Variants in TRHDE observed in about 807,000 individuals in gnomAD.
TRHDE encodes thyrotropin-releasing hormone-degrading ectoenzyme.
TRHDE carries 72 observed loss-of-function variants against 125.7 expected under a neutral mutation model. The ratio of observed to expected loss-of-function variants is 0.57; its 90% CI spans 0.47 to 0.70. The LOEUF (loss-of-function observed/expected upper bound fraction) is 0.70, where lower values mean the gene tolerates loss of function less well. Ranked by LOEUF, TRHDE falls within the 30% of genes least tolerant of loss-of-function variation. The probability of loss-of-function intolerance (pLI) is 0.00; values close to 1 mark genes in which losing one functional copy is unlikely to be tolerated. For synonymous variants in TRHDE, 509 were observed against 509.1 expected (o/e 1.00, Z 0.00); for missense variants, 1,110 against 1,327.1 (o/e 0.84, Z 2.54).
rs73342662 is a variant in TRHDE, at chr12:72,357,976, T to C, written c.1189-20019T>C. Among the ~76,000 whole-genome samples the C allele has an allele frequency of 2.7e-3, 412 of 151,664 alleles. 2 individuals are homozygous for C. The highest frequency in any genetic ancestry group is 9.6e-3 in the African/African-American group (399 of 41,478). On this transcript the variant is annotated intron_variant, in intron 2 of 18. Coordinates refer to ENST00000261180, the MANE Select transcript of TRHDE (RefSeq NM_013381.3). ...GGCATTAGAAAGTTAAAAAAAATTCTAAATAATTTATGAATCAAATGGAAA... is the reference window on the plus strand; with the variant it reads ...GGCATTAGAAAGTTAAAAAAAATTCCAAATAATTTATGAATCAAATGGAAA...
chr12:72,185,669 G>A (rs550593675), intron 2 of TRHDE, among the ~76,000 whole-genome samples: 1 of 150,680 alleles, frequency 6.6e-6, no homozygotes, highest in Non-Finnish European at 1.5e-5. Context: ...CTAGCTCAGG[G>A]ATTGTAAATA....
rs901931699 is a variant in TRHDE, at chr12:72,668,195, A to G, written c.*5000A>G. The G allele has an allele frequency of 2.0e-4, 30 of 151,736 alleles. No individual in the cohort carries two copies. Among genetic ancestry groups the G allele is most frequent in the African/African-American group, 7.2e-4 (30 of 41,416 alleles). The allele number at this position is 151,736 out of a possible 1,614,324, so 9.4% of individuals were successfully genotyped here. On this transcript the variant is annotated 3_prime_UTR_variant, in exon 19 of 19. Transcript: ENST00000261180. ...ATTTAATGTGATATAGATTCAGGAA[A>G]AGTCTAACAAAAATGTACTTCAGTA... is the stretch of plus-strand genomic sequence containing the variant.
intron 8 of TRHDE, among the ~76,000 whole-genome samples, chr12:72,562,488 T>TAAGA (rs1870225598): frequency 6.6e-6 from 1 of 150,810 alleles, no homozygotes; most frequent in African/African-American, 2.5e-5. Flanking sequence ...TAACATGGTG[T>TAAGA]AAGATATTCA....
At chr12:72,513,356 C>T (rs1340575911) in intron 6 of TRHDE, among the ~76,000 whole-genome samples, 1 of 152,094 alleles carries the variant, frequency 6.6e-6, no homozygotes, top group African/African-American at 2.4e-5. Context: ...CACCCTTTCT[C>T]TTTGGCCCAA....
chr12:72,633,952 A>G lies in TRHDE; in HGVS notation c.2675+12201A>G, dbSNP rs1020523458. Reference sequence around the variant, plus strand: ...AAGATGGTTGTTATTCCATTTCAATAATAATAAAAATAATGAGGAGGAGGA... The same window carrying G: ...AAGATGGTTGTTATTCCATTTCAATGATAATAAAAATAATGAGGAGGAGGA... On this transcript the variant is annotated intron_variant, in intron 15 of 18. Coordinates refer to ENST00000261180, the MANE Select transcript of TRHDE (RefSeq NM_013381.3). Among the ~76,000 whole-genome samples, 4 of 152,148 alleles carry G rather than the reference A, an allele frequency of 2.6e-5. No individual in the cohort carries two copies. In the East Asian group the frequency reaches 5.8e-4, roughly 22 times the overall value.
intron 6 of TRHDE, among the ~76,000 whole-genome samples, chr12:72,541,264 C>T (rs1869134546): frequency 1.3e-5 from 2 of 151,574 alleles, no homozygotes; most frequent in African/African-American, 4.8e-5. Flanking sequence ...TTACAATCCA[C>T]TGCTCCATAC....
intron 2 of TRHDE, chr12:72,147,866 T>G (rs1374310933): frequency 5.3e-5 from 8 of 152,268 alleles, no homozygotes; most frequent in Non-Finnish European, 1.0e-4. Context: ...TCTGAACACC[T>G]GAAGTGCTTT....
chr12:72,619,050 T>A lies in TRHDE; in HGVS notation c.2469+12T>A. On this transcript the variant is annotated intron_variant, in intron 13 of 18. Coordinates refer to ENST00000261180, the MANE Select transcript of TRHDE (RefSeq NM_013381.3). Reference sequence around the variant, plus strand: ...ACAACATTTTCAATGTAAAAAGATATAATTTTTCTTTCTAATTTTTAGAAG... The same window carrying A: ...ACAACATTTTCAATGTAAAAAGATAAAATTTTTCTTTCTAATTTTTAGAAG... The A allele has an allele frequency of 1.3e-6, 2 of 1,528,946 alleles. No individual in the cohort carries two copies. The highest frequency in any genetic ancestry group is 1.8e-6 in the Non-Finnish European group (2 of 1,139,494). The allele number at this position is 1,528,946 out of a possible 1,614,324, so 94.7% of individuals were successfully genotyped here.
In TRHDE at chr12:72,493,767, G is replaced by A. The variant is rs148235136; in HGVS notation, c.1585-5731G>A. On this transcript the variant is annotated intron_variant, in intron 5 of 18. Transcript: ENST00000261180. Reference sequence around the variant, plus strand: ...AAACGAACCACACTATCTCAAGTCTGTGTGACTTTTCCCACTTATTCTTTC... The same window carrying A: ...AAACGAACCACACTATCTCAAGTCTATGTGACTTTTCCCACTTATTCTTTC... Among the ~76,000 whole-genome samples the A allele has an allele frequency of 2.4e-3, 370 of 152,042 alleles. 1 individual carries two copies. The highest frequency in any genetic ancestry group is 3.9e-3 in the Non-Finnish European group (263 of 67,884).
chr12:72,541,296 CT>C (rs566468271), intron 6 of TRHDE, among the ~76,000 whole-genome samples: 1 of 151,522 alleles, frequency 6.6e-6, no homozygotes, highest in Non-Finnish European at 1.5e-5. Flanking sequence ...GGTCAAGTGT[CT>C]TCTTGAAGGC....
chr12:72,394,290 G>C (rs1872710770), intron 3 of TRHDE, among the ~76,000 whole-genome samples: 1 of 152,072 alleles, frequency 6.6e-6, no homozygotes, highest in South Asian at 2.1e-4. Flanking sequence ...AGGATTTAAA[G>C]GAGATCCTTA....
chr12:72,549,041 C>T (rs1218162553), intron 7 of TRHDE, among the ~76,000 whole-genome samples: 1 of 151,776 alleles, frequency 6.6e-6, no homozygotes, highest in East Asian at 1.9e-4. Context: ...ATAAGGTAAC[C>T]TACAACAAGA....
At chr12:72,319,377 C>T (rs1868968485) in intron 2 of TRHDE, among the ~76,000 whole-genome samples, 1 of 152,122 alleles carries the variant, frequency 6.6e-6, no homozygotes, top group African/African-American at 2.4e-5. Flanking sequence ...CTTCAGTAGA[C>T]CGTCAGAAGT....
intron 2 of TRHDE, among the ~76,000 whole-genome samples, chr12:72,181,946 A>G (rs1877104024): frequency 6.6e-6 from 1 of 152,236 alleles, no homozygotes; most frequent in Admixed American, 6.5e-5. Flanking sequence ...CATGATTTTC[A>G]GAAACACATT....
At chr12:72,576,505 C>A (rs926265918) in intron 12 of TRHDE, among the ~76,000 whole-genome samples, 1 of 151,978 alleles carries the variant, frequency 6.6e-6, no homozygotes, top group Non-Finnish European at 1.5e-5. Flanking sequence ...AAATAATAAG[C>A]TTACACATAG....
At chr12:72,490,952 A>T (rs996785157) in intron 5 of TRHDE, among the ~76,000 whole-genome samples, 1 of 149,920 alleles carries the variant, frequency 6.7e-6, no homozygotes, top group Non-Finnish European at 1.5e-5. Flanking sequence ...TCTGTGATTC[A>T]TGCTAAATGA....
chr12:72,638,034 G>A (rs1201071894), intron 15 of TRHDE, among the ~76,000 whole-genome samples: 2 of 150,640 alleles, frequency 1.3e-5, no homozygotes, highest in African/African-American at 4.9e-5. Flanking sequence ...TTGGTGCAGA[G>A]CTGAGTTCAA....
Position 72,652,302 on chromosome 12 carries a change from A to G in TRHDE, c.2676-20A>G, listed in dbSNP as rs921423438. On this transcript the variant is annotated intron_variant, in intron 15 of 18. Transcript: ENST00000261180. ...TTAAGCTTTTAATTAACAGAAAACC[A>G]CCATGGGTTGCTTCTTTAGAATACC... The G allele has an allele frequency of 1.4e-6, 2 of 1,406,970 alleles. No individual in the cohort carries two copies. The highest frequency in any genetic ancestry group is 2.9e-5 in the African/African-American group (2 of 67,894). The allele number at this position is 1,406,970 out of a possible 1,614,324, so 87.2% of individuals were successfully genotyped here. A position where few individuals can be genotyped will look rare whatever the true frequency, so the allele number is the denominator to read the frequency against.
chr12:72,383,665 C>T (rs1171407830), intron 3 of TRHDE, among the ~76,000 whole-genome samples: 2 of 151,754 alleles, frequency 1.3e-5, no homozygotes, highest in Non-Finnish European at 1.5e-5. Flanking sequence ...ACATGAGCCA[C>T]CATGCCCGGC....
Sources: gnomAD v4.1 joint callset for allele counts (sites outside exome capture counted in the v4.1 genomes callset) on GRCh38, gnomAD v4.1.1 for gene constraint, MANE v1.5 for transcripts, NCBI Gene and HGNC (gene_info 2026-07-23, HGNC 2026-07-21) for gene names.